Variants in EYS observed in about 807,000 individuals in gnomAD.
EYS encodes the protein EGF-like photoreceptor maintenance factor.
In EYS, 250 loss-of-function variants were observed where a neutral mutation model predicts 282.1. The ratio of observed to expected loss-of-function variants is 0.89; its 90% confidence interval spans 0.80 to 0.98. The LOEUF (loss-of-function observed/expected upper bound fraction) is 0.98. EYS is among the 50% of genes least tolerant of loss of function. The pLI is 0.00. For missense variants in EYS, 4,016 were observed against 3,709.0 expected (o/e 1.08, Z -2.15); for synonymous variants, 1,355 against 1,282.9 (o/e 1.06, Z -1.20).
chr6:63,991,506 A>G (rs1394183544), intron 34 of EYS, among the ~76,000 whole-genome samples: 1 of 151,602 alleles, frequency 6.6e-6, no homozygotes, highest in African/African-American at 2.4e-5. Context: ...AAAAAGAGAA[A>G]ATATGAAAGA....
chr6:63,875,724 A>G (rs567086124), intron 35 of EYS, among the ~76,000 whole-genome samples: 1 of 152,178 alleles, frequency 6.6e-6, no homozygotes, highest in South Asian at 2.1e-4. Flanking sequence ...CAAGGAATTT[A>G]TCCATTTCTT....
intron 31 of EYS, among the ~76,000 whole-genome samples, chr6:64,195,931 G>T (rs1299555654): frequency 6.6e-6 from 1 of 152,080 alleles, no homozygotes; most frequent in Non-Finnish European, 1.5e-5. Flanking sequence ...CACAGCAAAA[G>T]AAACTACCAT....
intron 2 of EYS, among the ~76,000 whole-genome samples, chr6:65,505,651 A>G (rs1405073079): frequency 6.6e-6 from 1 of 152,116 alleles, no homozygotes; most frequent in Non-Finnish European, 1.5e-5. Context: ...TTCTTTGACC[A>G]ATGTGTTATT....
intron 22 of EYS, among the ~76,000 whole-genome samples, chr6:64,739,156 A>T (rs1354570772): frequency 1.3e-5 from 2 of 152,304 alleles, no homozygotes; most frequent in Admixed American, 6.5e-5. Flanking sequence ...CTTTTTCATC[A>T]TACAAGGTAG....
At chr6:64,487,962 C>G (rs74595417) in intron 26 of EYS, among the ~76,000 whole-genome samples, 1,573 of 150,928 alleles carry the variant, frequency 0.01, 28 homozygotes, top group African/African-American at 0.036. Context: ...GAACCCAGAT[C>G]CCAGTTGAAC....
rs926737080 is a variant in EYS, at chr6:63,877,064, T to G, written c.7056-12706A>C. On this transcript the variant is annotated intron_variant, in intron 35 of 42. Transcript: ENST00000503581. ...AGTTGATGCAGTTTCTTCCTAGCCT[T>G]GATGGTCTTTACAATTTGGCATGAT... Among the ~76,000 whole-genome samples, 5 of 152,324 alleles carry G rather than the reference T, an allele frequency of 3.3e-5. 1 individual carries two copies. Among genetic ancestry groups the G allele is most frequent in the Admixed American group, 2.0e-4 (3 of 15,304 alleles).
chr6:64,023,417 A>G (rs1769287164), intron 33 of EYS, among the ~76,000 whole-genome samples: 2 of 152,228 alleles, frequency 1.3e-5, no homozygotes, highest in South Asian at 2.1e-4. Flanking sequence ...TAGAGCAACC[A>G]TTAAACTGTT....
At chr6:64,688,953 G>A (rs1253278051) in intron 22 of EYS, among the ~76,000 whole-genome samples, 1 of 151,702 alleles carries the variant, frequency 6.6e-6, no homozygotes, top group Non-Finnish European at 1.5e-5. Flanking sequence ...TCAACATAGT[G>A]TTGGAGGTTC....
chr6:65,271,498 GA>G (rs981370917), intron 12 of EYS, among the ~76,000 whole-genome samples: 6 of 152,110 alleles, frequency 3.9e-5, no homozygotes, highest in African/African-American at 1.4e-4. Flanking sequence ...ATCTCTTCCA[GA>G]AACATCCTTA....
intron 9 of EYS, among the ~76,000 whole-genome samples, chr6:65,348,688 C>T (rs1300801681): frequency 6.6e-6 from 1 of 151,448 alleles, no homozygotes; most frequent in Non-Finnish European, 1.5e-5. Context: ...TTTGTTGTTT[C>T]CTTTCTTCTA....
At chr6:64,243,470 T>C (rs992817126) in intron 30 of EYS, among the ~76,000 whole-genome samples, 1 of 152,158 alleles carries the variant, frequency 6.6e-6, no homozygotes, top group African/African-American at 2.4e-5. Flanking sequence ...CTTCAGCACA[T>C]AGCTCCTGAG....
intron 22 of EYS, among the ~76,000 whole-genome samples, chr6:64,757,677 C>T (rs1263743900): frequency 1.3e-5 from 2 of 151,904 alleles, no homozygotes; most frequent in African/African-American, 4.8e-5. Context: ...TCTCACTCCA[C>T]CTGTTCTGTT....
Position 65,110,755 on chromosome 6 carries a change from G to A in EYS, c.2024-53028C>T, listed in dbSNP as rs181092688. Among the ~76,000 whole-genome samples the A allele has an allele frequency of 5.2e-3, 784 of 152,032 alleles. 10 individuals carry two copies. The highest frequency in any genetic ancestry group is 4.3e-3 in the Non-Finnish European group (292 of 67,954). On this transcript the variant is annotated intron_variant, in intron 12 of 42. Coordinates refer to ENST00000503581, the MANE Select transcript of EYS (RefSeq NM_001142800.2). ...AGGTACATGGAATGGATGTAGCATT[G>A]TGTCAAGATGCATGATGCTAAACTG...
At chr6:65,514,698 C>T (rs1304744366) in intron 2 of EYS, among the ~76,000 whole-genome samples, 1 of 152,148 alleles carries the variant, frequency 6.6e-6, no homozygotes, top group African/African-American at 2.4e-5. Context: ...GAAAGGACTC[C>T]CTATTTAATA....
chr6:63,828,089 C>A (rs912274198), intron 36 of EYS, among the ~76,000 whole-genome samples: 1 of 152,076 alleles, frequency 6.6e-6, no homozygotes, highest in African/African-American at 2.4e-5. Context: ...ACAGCAAAGA[C>A]AGTGCTATAA....
chr6:63,945,660 G>A (rs973884704), intron 35 of EYS, among the ~76,000 whole-genome samples: 1 of 152,166 alleles, frequency 6.6e-6, no homozygotes, highest in Non-Finnish European at 1.5e-5. Flanking sequence ...TAAATCCAGG[G>A]AAATGAAATT....
At chr6:63,874,178 G>A (rs1488787342) in intron 35 of EYS, among the ~76,000 whole-genome samples, 1 of 152,134 alleles carries the variant, frequency 6.6e-6, no homozygotes, top group East Asian at 1.9e-4. Flanking sequence ...TGTATAAGGT[G>A]TAAGGAAGGA....
At chr6:64,646,783 C>T (rs984247213) in intron 22 of EYS, among the ~76,000 whole-genome samples, 4 of 149,004 alleles carry the variant, frequency 2.7e-5, no homozygotes, top group African/African-American at 1.0e-4. Flanking sequence ...CCAGCTCTGG[C>T]GACAGAGCGA....
At chr6:64,950,113 G>C (rs1463956883) in intron 14 of EYS, among the ~76,000 whole-genome samples, 1 of 151,922 alleles carries the variant, frequency 6.6e-6, no homozygotes, top group Non-Finnish European at 1.5e-5. Flanking sequence ...GGAAGAGCAA[G>C]AGAATCCAGC....
Sources: gnomAD v4.1 joint callset for allele counts (sites outside exome capture counted in the v4.1 genomes callset) on GRCh38, gnomAD v4.1.1 for gene constraint, MANE v1.5 for transcripts, NCBI Gene and HGNC (gene_info 2026-07-23, HGNC 2026-07-21) for gene names.